CAMKMT: variants seen among roughly 807,000 people sequenced by gnomAD.
The protein encoded by CAMKMT is calmodulin-lysine N-methyltransferase.
A neutral mutation model predicts 48.0 loss-of-function variants in CAMKMT; 53 were observed. That is an observed-to-expected ratio of 1.10 (90% CI 0.89 to 1.39). The LOEUF is 1.39. CAMKMT is among the 40% of genes most tolerant of loss of function. CAMKMT has a pLI of 0.00. For synonymous variants in CAMKMT, 165 were observed against 152.3 expected, an observed-to-expected ratio of 1.08 and a Z score of -0.61; for missense variants, 428 against 402.7, an observed-to-expected ratio of 1.06 and a Z score of -0.54.
intron 2 of CAMKMT, among the ~76,000 whole-genome samples, chr2:44,388,542 T>A (rs1366828203): frequency 1.3e-5 from 2 of 152,192 alleles, no homozygotes; most frequent in Non-Finnish European, 2.9e-5. Flanking sequence ...GATCCGTTGC[T>A]GGTTAACTAG....
chr2:44,368,902 C>T (rs1017990934), intron 1 of CAMKMT, among the ~76,000 whole-genome samples: 2 of 152,062 alleles, frequency 1.3e-5, no homozygotes, highest in Non-Finnish European at 2.9e-5. Context: ...CAGAATCTTG[C>T]TCTGTTGCCT....
rs1293884982 is a variant in CAMKMT at position 44,666,612 on chromosome 2, C to CT, written c.377-37654dup. ...TTGATCTCCTTTTGGCTCCTGGAAT[C>CT]TTTTTTTTTTTTTTTTTGAGACAGA... On this transcript the variant is annotated intron_variant, in intron 3 of 10. Coordinates refer to ENST00000378494, the MANE Select transcript of CAMKMT (RefSeq NM_024766.5). Among the ~76,000 whole-genome samples the CT allele has an allele frequency of 6.4e-3, 852 of 133,952 alleles. 10 individuals are homozygous for CT. Among genetic ancestry groups the CT allele is most frequent in the Middle Eastern group, 0.03 (8 of 266 alleles). The allele number at this position is 133,952 out of a possible 152,430, so 87.9% of individuals were successfully genotyped here.
intron 6 of CAMKMT, 93 bp from the exon 7 acceptor site, chr2:44,715,192 CAA>C (rs35173334): frequency 0.072 from 29,911 of 415,106 alleles, no homozygotes; most frequent in South Asian, 0.094. Context: ...GACCCTGTCT[CAA>C]AAAAAAAAAA....
chr2:44,742,914 C>T (rs1235741279), intron 7 of CAMKMT, among the ~76,000 whole-genome samples: 1 of 152,006 alleles, frequency 6.6e-6, no homozygotes, highest in Admixed American at 6.6e-5. Flanking sequence ...TGTGGTAAGA[C>T]GAATCATTAA....
At chr2:44,536,173 A>G (rs914467154) in intron 3 of CAMKMT, among the ~76,000 whole-genome samples, 3 of 152,204 alleles carry the variant, frequency 2.0e-5, no homozygotes, top group South Asian at 4.1e-4. Flanking sequence ...CCTGTATTAG[A>G]AAAAGTATAA....
At chr2:44,386,807 C>T (rs965688460) in intron 2 of CAMKMT, among the ~76,000 whole-genome samples, 24 of 152,052 alleles carry the variant, frequency 1.6e-4, no homozygotes, top group Admixed American at 5.2e-4. Context: ...ATTTAATTTT[C>T]ATATATTTGC....
At chr2:44,725,276 CCTAAAATATTTTA>C (rs1678721227) in intron 7 of CAMKMT, among the ~76,000 whole-genome samples, 1 of 151,004 alleles carries the variant, frequency 6.6e-6, no homozygotes, top group Non-Finnish European at 1.5e-5. Flanking sequence ...AAGTTTTTTG[CCTAAAATATTTTA>C]CTAAGTTGCT....
intron 3 of CAMKMT, among the ~76,000 whole-genome samples, chr2:44,668,692 G>A (rs1008597003): frequency 6.6e-6 from 1 of 152,096 alleles, no homozygotes; most frequent in Admixed American, 6.5e-5. Context: ...AACACTTTGT[G>A]CATCCTTTCC....
chr2:44,632,558 T>C (rs6729576), intron 3 of CAMKMT, among the ~76,000 whole-genome samples: 18,683 of 152,200 alleles, frequency 0.12, 1,333 homozygotes, highest in Admixed American at 0.22. Context: ...ACTAAAATCC[T>C]ACATATCTAA....
chr2:44,411,740 TC>T (rs11357797), intron 3 of CAMKMT, among the ~76,000 whole-genome samples: 11,861 of 152,150 alleles, frequency 0.078, 1,468 homozygotes, highest in African/African-American at 0.26. Flanking sequence ...TTTGTAAAAT[TC>T]CATTCATCAA....
intron 7 of CAMKMT, 116 bp downstream of exon 7, chr2:44,715,469 C>T (rs1678127536): frequency 2.6e-5 from 19 of 730,998 alleles, no homozygotes; most frequent in South Asian, 2.6e-4. Context: ...GTGTGTCAGG[C>T]ACTGTTTTAA....
In CAMKMT at chr2:44,463,407, C is replaced by A. The variant is rs369182645; in HGVS notation, c.376+73102C>A. On this transcript the variant is annotated intron_variant, in intron 3 of 10. Transcript: ENST00000378494. ...TAGTTCCATTTGAATGATGTCAGCC[C>A]CTCTCTTAAGCCAGCATAGCTCATA... Among the ~76,000 whole-genome samples the A allele has an allele frequency of 1.3e-3, 200 of 152,298 alleles. 3 individuals are homozygous for A. The highest frequency in any genetic ancestry group is 5.2e-3 in the South Asian group (25 of 4,820).
At chr2:44,739,345 C>A (rs1219900685) in intron 7 of CAMKMT, among the ~76,000 whole-genome samples, 1 of 152,158 alleles carries the variant, frequency 6.6e-6, no homozygotes, top group Non-Finnish European at 1.5e-5. Context: ...GTAGAATGAC[C>A]TGCACTTGTG....
chr2:44,703,937 C>T (rs988503722), intron 3 of CAMKMT, among the ~76,000 whole-genome samples: 5 of 152,074 alleles, frequency 3.3e-5, no homozygotes, highest in Admixed American at 6.6e-5. Context: ...AAGTCTTCAA[C>T]TGATACTAAT....
chr2:44,391,480 T>G (rs1487159619), intron 3 of CAMKMT, among the ~76,000 whole-genome samples: 1 of 152,162 alleles, frequency 6.6e-6, no homozygotes, highest in Non-Finnish European at 1.5e-5. Flanking sequence ...ATATTTTTAT[T>G]AGGTCTAGGC....
chr2:44,722,456 T>G lies in CAMKMT; in HGVS notation c.623+7103T>G, dbSNP rs72794028. Among the ~76,000 whole-genome samples, 1,062 of 152,302 alleles carry G rather than the reference T, an allele frequency of 7.0e-3. 10 individuals are homozygous for G. The highest frequency in any genetic ancestry group is 9.3e-3 in the Admixed American group (142 of 15,308). ...ATCTTTGTCTGATTTTAAATAGCAC[T>G]GACATAATAGCTATTTAAAAGAATT... is the stretch of plus-strand genomic sequence containing the variant. On this transcript the variant is annotated intron_variant, in intron 7 of 10. Coordinates refer to ENST00000378494, the MANE Select transcript of CAMKMT (RefSeq NM_024766.5).
intron 3 of CAMKMT, among the ~76,000 whole-genome samples, chr2:44,568,009 G>A (rs1668706320): frequency 6.6e-6 from 1 of 151,882 alleles, no homozygotes; most frequent in South Asian, 2.1e-4. Flanking sequence ...GTTATGATAA[G>A]GGTCGCTCTT....
chr2:44,730,304 T>C (rs921465491), intron 7 of CAMKMT, among the ~76,000 whole-genome samples: 5 of 152,228 alleles, frequency 3.3e-5, no homozygotes, highest in Admixed American at 2.6e-4. Flanking sequence ...TTCCACCTTC[T>C]TCAGGATACC....
chr2:44,768,960 C>G (rs1319993355), intron 10 of CAMKMT, among the ~76,000 whole-genome samples: 1 of 152,096 alleles, frequency 6.6e-6, no homozygotes, highest in African/African-American at 2.4e-5. Context: ...TCCGCTGTCC[C>G]GTCTTAATCT....
Sources: allele counts gnomAD v4.1 joint callset (sites outside exome capture counted in the v4.1 genomes callset), GRCh38; gene constraint gnomAD v4.1.1; transcripts MANE v1.5; gene names NCBI Gene and HGNC (gene_info 2026-07-23, HGNC 2026-07-21).